The following LIN52 variants were observed in gnomAD, a reference collection of about 807,000 sequenced individuals.
LIN52 encodes the protein protein lin-52 homolog.
In LIN52, 4 loss-of-function variants were observed where a neutral mutation model predicts 18.5. The ratio of observed to expected loss-of-function variants is 0.22; its 90% confidence interval spans 0.11 to 0.49. LIN52 has a LOEUF of 0.49. LIN52 is among the 20% of genes least tolerant of loss of function. The probability of loss-of-function intolerance (pLI) is 0.97; values close to 1 mark genes in which losing one functional copy is unlikely to be tolerated. For missense variants in LIN52, 102 were observed against 139.5 expected (o/e 0.73, Z 1.35); for synonymous variants, 34 against 45.5 (o/e 0.75, Z 1.02).
At chr14:74,154,118 A>G (rs1020974069) in intron 5 of LIN52, among the ~76,000 whole-genome samples, 1 of 151,258 alleles carries the variant, frequency 6.6e-6, no homozygotes, top group African/African-American at 2.4e-5. Flanking sequence ...CTTTTCCTTA[A>G]TGTTTTTTTT....
At chr14:74,143,347 G>A (rs1462382596) in intron 5 of LIN52, among the ~76,000 whole-genome samples, 1 of 152,044 alleles carries the variant, frequency 6.6e-6, no homozygotes, top group African/African-American at 2.4e-5. Context: ...CCCAGAGTTC[G>A]AGACCAGCGT....
chr14:74,085,720 G>T (rs1191770722), intron 1 of LIN52: 1 of 152,046 alleles, frequency 6.6e-6, no homozygotes, highest in Non-Finnish European at 1.5e-5. Flanking sequence ...AAGTTGTTTT[G>T]GTATACTCCC....
chr14:74,189,422 A>G (rs2061354219), intron 5 of LIN52, among the ~76,000 whole-genome samples: 1 of 152,234 alleles, frequency 6.6e-6, no homozygotes, highest in South Asian at 2.1e-4. Context: ...AAAGGAAACC[A>G]AGTAAAACTA....
chr14:74,196,042 G>T (rs1052034612), intron 5 of LIN52, among the ~76,000 whole-genome samples: 1 of 152,118 alleles, frequency 6.6e-6, no homozygotes, highest in Admixed American at 6.5e-5. Flanking sequence ...TCATACATTC[G>T]TATATCTCCT....
chr14:74,175,150 T>G (rs1298501125), intron 5 of LIN52, among the ~76,000 whole-genome samples: 1 of 151,962 alleles, frequency 6.6e-6, no homozygotes, highest in Non-Finnish European at 1.5e-5. Context: ...CCTAGGACAT[T>G]ACACTACTGC....
chr14:74,157,565 G>C (rs897674600), intron 5 of LIN52, among the ~76,000 whole-genome samples: 13 of 151,582 alleles, frequency 8.6e-5, no homozygotes, highest in African/African-American at 3.2e-4. Flanking sequence ...CTCCTGGACT[G>C]AAGGGATCCT....
chr14:74,193,068 G>A (rs1006945563), intron 5 of LIN52, among the ~76,000 whole-genome samples: 2 of 152,060 alleles, frequency 1.3e-5, no homozygotes, highest in South Asian at 4.1e-4. Flanking sequence ...AACATCAGAT[G>A]GAGATAAGAT....
chr14:74,183,855 A>G (rs2061330110), intron 5 of LIN52, among the ~76,000 whole-genome samples: 1 of 152,218 alleles, frequency 6.6e-6, no homozygotes, highest in African/African-American at 2.4e-5. Context: ...CATTATTAAC[A>G]TATCAAACAG....
At chr14:74,087,333 G>A (rs373710817) in intron 1 of LIN52, among the ~76,000 whole-genome samples, 2 of 149,968 alleles carry the variant, frequency 1.3e-5, no homozygotes, top group African/African-American at 4.9e-5. Flanking sequence ...GGAGAATGGC[G>A]TGAACCCGGG....
intron 5 of LIN52, among the ~76,000 whole-genome samples, chr14:74,149,632 A>T (rs2061168038): frequency 1.3e-5 from 2 of 152,226 alleles, no homozygotes; most frequent in Admixed American, 6.5e-5. Flanking sequence ...TTCAAAACAC[A>T]TTCCATGCAA....
At chr14:74,140,075 A>G (rs2061121362) in intron 5 of LIN52, among the ~76,000 whole-genome samples, 2 of 124,642 alleles carry the variant, frequency 1.6e-5, no homozygotes, top group African/African-American at 6.5e-5. Flanking sequence ...AACTCCTAAG[A>G]ACACTTCAGC....
chr14:74,119,126 A>G (rs1420224717), intron 5 of LIN52, among the ~76,000 whole-genome samples: 1 of 145,764 alleles, frequency 6.9e-6, no homozygotes, highest in Admixed American at 6.8e-5. Flanking sequence ...AGTATTTTTG[A>G]TATATATCTT....
intron 5 of LIN52, among the ~76,000 whole-genome samples, chr14:74,120,419 G>A (rs2060992334): frequency 6.6e-6 from 1 of 151,808 alleles, no homozygotes. Flanking sequence ...AAGAGTTCGA[G>A]ACCAGCCTGA....
chr14:74,162,481 A>C (rs1183020727), intron 5 of LIN52, among the ~76,000 whole-genome samples: 6 of 150,954 alleles, frequency 4.0e-5, no homozygotes, highest in African/African-American at 1.5e-4. Flanking sequence ...CTCACAAAAA[A>C]AAAAAAAAAA....
chr14:74,177,067 C>T (rs866417393), intron 5 of LIN52, among the ~76,000 whole-genome samples: 2 of 151,536 alleles, frequency 1.3e-5, no homozygotes, highest in Non-Finnish European at 2.9e-5. Context: ...GGTGCGATCT[C>T]GGCTCACTGC....
intron 5 of LIN52, chr14:74,192,723 AT>A: frequency 3.8e-6 from 1 of 263,076 alleles, no homozygotes; most frequent in South Asian, 4.6e-5. Context: ...GGCAGATCAG[AT>A]TCCAATTTGA....
chr14:74,114,414 G>A (rs2060951061), intron 5 of LIN52: 6 of 985,420 alleles, frequency 6.1e-6, no homozygotes, highest in Non-Finnish European at 7.2e-6. Flanking sequence ...GAGCTTGAAT[G>A]GATGATGGCA....
rs2060850042 is a variant in LIN52 at position 74,101,015 on chromosome 14, G to A, written c.200-140G>A. The stretch of plus-strand genomic sequence containing the variant: ...GATTTGTGTGTGTTTAAGATTGGGG[G>A]AGGAGTTACGGATCCATTTTCTACT... On this transcript the variant is annotated intron_variant, in intron 4 of 5. Transcript: ENST00000555028. The A allele has an allele frequency of 5.8e-6, 4 of 686,178 alleles. No individual in the cohort carries two copies. The South Asian group carries it at 7.0e-5, about 12-fold the overall frequency. The allele number at this position is 686,178 out of a possible 1,614,324, so 42.5% of individuals were successfully genotyped here. A position where few individuals can be genotyped will look rare whatever the true frequency, so the allele number is the denominator to read the frequency against.
chr14:74,189,394 A>G (rs534265878), intron 5 of LIN52, among the ~76,000 whole-genome samples: 3 of 152,294 alleles, frequency 2.0e-5, no homozygotes, highest in South Asian at 4.1e-4. Context: ...CTTTCATTCA[A>G]TTGAGTTGTA....
Sources: allele counts gnomAD v4.1 joint callset (sites outside exome capture counted in the v4.1 genomes callset), GRCh38; gene constraint gnomAD v4.1.1; transcripts MANE v1.5; gene names NCBI Gene and HGNC (gene_info 2026-07-23, HGNC 2026-07-21).